Variants in SBF2 observed in about 807,000 individuals in gnomAD.
The protein encoded by SBF2 is SET binding factor 2.
A neutral mutation model predicts 225.2 loss-of-function variants in SBF2; 112 were observed. That is an observed-to-expected ratio of 0.50 (90% confidence interval 0.43 to 0.58). SBF2 has a LOEUF of 0.58. SBF2 is among the 20% of genes least tolerant of loss of function. SBF2 has a pLI of 0.00. For synonymous variants in SBF2, 763 were observed against 773.3 expected, an observed-to-expected ratio of 0.99 and a Z score of 0.22; for missense variants, 1,996 against 2,206.2, an observed-to-expected ratio of 0.90 and a Z score of 1.91.
intron 2 of SBF2, among the ~76,000 whole-genome samples, chr11:10,193,673 A>G (rs1957266101): frequency 6.6e-6 from 1 of 152,112 alleles, no homozygotes. Flanking sequence ...CTTTAATATT[A>G]GAAATTTAAA....
Position 9,815,217 on chromosome 11 carries a change from A to C in SBF2, c.3978+1623T>G, listed in dbSNP as rs1329811909. ...CACTTTGGGAGGCCAGGGCGGGTGG[A>C]TCACAAGGTCAAGAGATGGAGACCA... On this transcript the variant is annotated intron_variant, in intron 29 of 39. Coordinates refer to ENST00000256190, the MANE Select transcript of SBF2 (RefSeq NM_030962.4). Among the ~76,000 whole-genome samples the C allele has an allele frequency of 4.1e-5, 6 of 146,482 alleles. No homozygotes were observed. The East Asian group carries it at 1.2e-3, about 30-fold the overall frequency.
intron 1 of SBF2, among the ~76,000 whole-genome samples, chr11:10,250,629 G>GTTA (rs1565400778): frequency 6.6e-6 from 1 of 152,168 alleles, no homozygotes; most frequent in East Asian, 1.9e-4. Context: ...CATTTTCAAT[G>GTTA]CATGTTTTAT....
intron 37 of SBF2, chr11:9,784,878 G>A: frequency 1.8e-6 from 1 of 554,782 alleles, no homozygotes; most frequent in South Asian, 2.1e-5. Context: ...CGTTCTGGCA[G>A]ACAGGAGATA....
Position 10,207,682 on chromosome 11 carries a change from C to A in SBF2, c.56-13695G>T, listed in dbSNP as rs1357431619. ...AAACTTAATCTGAGTATGACCCTAA[C>A]AGATAAGTTTAGTCCTAGGGCCCTC... On this transcript the variant is annotated intron_variant, in intron 1 of 39. Coordinates refer to ENST00000256190, the MANE Select transcript of SBF2 (RefSeq NM_030962.4). Among the ~76,000 whole-genome samples the A allele has an allele frequency of 2.0e-5, 3 of 151,936 alleles. 1 individual carries two copies. The highest frequency in any genetic ancestry group is 4.4e-5 in the Non-Finnish European group (3 of 67,968).
intron 2 of SBF2, among the ~76,000 whole-genome samples, chr11:10,120,390 G>A (rs12286004): frequency 6.6e-6 from 1 of 152,102 alleles, no homozygotes; most frequent in African/African-American, 2.4e-5. Context: ...AATGAATATG[G>A]GTGTGCAAAT....
intron 2 of SBF2, among the ~76,000 whole-genome samples, chr11:10,130,054 A>G (rs547568849): frequency 2.0e-5 from 3 of 152,146 alleles, no homozygotes; most frequent in South Asian, 2.1e-4. Context: ...TGGAAAACTT[A>G]AAATAGTCTT....
chr11:9,846,889 T>G, intron 23 of SBF2, 67 bp downstream of exon 23: 2 of 1,557,076 alleles, frequency 1.3e-6, no homozygotes. Context: ...CCACACAAAA[T>G]GGCCATAATA....
chr11:10,085,926 C>T (rs756621159), intron 2 of SBF2, among the ~76,000 whole-genome samples: 2 of 151,688 alleles, frequency 1.3e-5, no homozygotes, highest in Admixed American at 1.3e-4. Context: ...ACTTTGGTTC[C>T]GTTTCTAACA....
chr11:9,993,488 T>A (rs1461205830), intron 10 of SBF2, among the ~76,000 whole-genome samples: 1 of 152,262 alleles, frequency 6.6e-6, no homozygotes, highest in Non-Finnish European at 1.5e-5. Context: ...CGTAACCTTT[T>A]ATGGCTTCTA....
At chr11:9,858,699 A>G (rs528606486) in intron 17 of SBF2, among the ~76,000 whole-genome samples, 1 of 152,336 alleles carries the variant, frequency 6.6e-6, no homozygotes, top group African/African-American at 2.4e-5. Flanking sequence ...AGGTTTAGTG[A>G]ATATTATTAC....
intron 2 of SBF2, among the ~76,000 whole-genome samples, chr11:10,118,370 A>G (rs775187465): frequency 1.1e-4 from 17 of 152,324 alleles, no homozygotes; most frequent in African/African-American, 3.6e-4. Flanking sequence ...GTCAGGCAGA[A>G]TAAGATCCAT....
chr11:10,233,939 T>C (rs1294113953), intron 1 of SBF2, among the ~76,000 whole-genome samples: 1 of 152,224 alleles, frequency 6.6e-6, no homozygotes, highest in African/African-American at 2.4e-5. Flanking sequence ...TGGCCCTATG[T>C]TGTTTTCATT....
intron 3 of SBF2, among the ~76,000 whole-genome samples, chr11:10,034,838 T>C (rs1192184879): frequency 1.3e-5 from 2 of 152,204 alleles, no homozygotes; most frequent in Non-Finnish European, 2.9e-5. Context: ...AGTTGCAAAA[T>C]TCTGTAAGTT....
chr11:10,241,017 T>C (rs1396546878), intron 1 of SBF2, among the ~76,000 whole-genome samples: 1 of 152,136 alleles, frequency 6.6e-6, no homozygotes, highest in Non-Finnish European at 1.5e-5. Context: ...TGTCACAGAT[T>C]AGAGTGCTTA....
Position 9,856,436 on chromosome 11 carries a change from CTG to C in SBF2, c.2363+20_2363+21del. ...GCCCCAAGAAGAGTAGGAGGAGGGT[CTG>C]TGTGTTCACATTTTGGTACCTGTTT... is the stretch of plus-strand genomic sequence containing the variant. On this transcript the variant is annotated intron_variant, in intron 19 of 39. Transcript: ENST00000256190. 6.2e-7 allele frequency: 1 copy of C among 1,613,062 alleles called. No homozygotes were observed. The highest frequency in any genetic ancestry group is 2.2e-5 in the East Asian group (1 of 44,884).
intron 17 of SBF2, among the ~76,000 whole-genome samples, chr11:9,884,509 C>T (rs990836379): frequency 2.6e-5 from 4 of 152,232 alleles, no homozygotes; most frequent in Non-Finnish European, 5.9e-5. Context: ...AGCCTTCCCC[C>T]TGCTTTTCTC....
intron 13 of SBF2, among the ~76,000 whole-genome samples, chr11:9,969,499 T>A (rs1468652676): frequency 6.6e-6 from 1 of 152,190 alleles, no homozygotes; most frequent in Non-Finnish European, 1.5e-5. Context: ...ATATGATGTG[T>A]CCTGCCATGA....
chr11:10,229,884 G>C (rs982938058), intron 1 of SBF2, among the ~76,000 whole-genome samples: 25 of 152,144 alleles, frequency 1.6e-4, no homozygotes, highest in East Asian at 1.4e-3. Flanking sequence ...CTTTCTGTCT[G>C]GTTGATCTGT....
chr11:9,932,957 C>CAAAAAAAAAAAAAAAAAAAA (rs574177096), intron 16 of SBF2, among the ~76,000 whole-genome samples: 2 of 58,744 alleles, frequency 3.4e-5, no homozygotes, highest in Non-Finnish European at 5.5e-5. Flanking sequence ...AAACGAAAAG[C>CAAAAAAAAAAAAAAAAAAAA]AAAAAAAAAA....
Sources: gnomAD v4.1 joint callset for allele counts (sites outside exome capture counted in the v4.1 genomes callset) on GRCh38, gnomAD v4.1.1 for gene constraint, MANE v1.5 for transcripts, NCBI Gene and HGNC (gene_info 2026-07-23, HGNC 2026-07-21) for gene names.